Variants in GALNT13 observed in about 807,000 individuals in gnomAD.
GALNT13 encodes the protein UDP-GalNAc:polypeptide N-acetylgalactosaminyltransferase 13.
GALNT13 carries 28 observed loss-of-function variants against 64.2 expected under a neutral mutation model. That is an observed-to-expected ratio of 0.44 (90% CI 0.32 to 0.60). The LOEUF (loss-of-function observed/expected upper bound fraction) is 0.60. Ranked by LOEUF, GALNT13 falls within the 20% of genes least tolerant of loss-of-function variation. The pLI, the probability that GALNT13 is intolerant of heterozygous loss-of-function variation, is 0.05. For synonymous variants in GALNT13, 214 were observed against 224.6 expected (o/e 0.95, Z 0.42); for missense variants, 577 against 669.8 (o/e 0.86, Z 1.53).
At chr2:153,646,872 A>C in the GALNT13 span, among the ~76,000 whole-genome samples, 1 of 152,144 alleles carries the variant, frequency 6.6e-6, no homozygotes, top group Non-Finnish European at 1.5e-5. Flanking sequence ...ATTGTTGGAC[A>C]TTTGGGTTGG....
At chr2:154,413,376 C>A (rs725586) in intron 11 of GALNT13, among the ~76,000 whole-genome samples, 5 of 151,918 alleles carry the variant, frequency 3.3e-5, no homozygotes, top group African/African-American at 1.2e-4. Context: ...TGCCTTTGTT[C>A]TAGCCTATAT....
the GALNT13 span, among the ~76,000 whole-genome samples, chr2:153,258,324 A>G: frequency 2.6e-5 from 4 of 152,074 alleles, no homozygotes; most frequent in African/African-American, 9.7e-5. Context: ...TGATCCACAA[A>G]TTATCTGGAG....
chr2:153,626,201 T>C, the GALNT13 span, among the ~76,000 whole-genome samples: 1 of 151,980 alleles, frequency 6.6e-6, no homozygotes, highest in Non-Finnish European at 1.5e-5. Context: ...TGAAGAAATA[T>C]AAATTTACTC....
chr2:153,912,776 T>C (rs1238933206), intron 2 of GALNT13, among the ~76,000 whole-genome samples: 2 of 152,168 alleles, frequency 1.3e-5, no homozygotes, highest in African/African-American at 4.8e-5. Flanking sequence ...TAGGAACCTG[T>C]TGCACAGGAT....
chr2:154,230,113 G>A (rs1045716996), intron 4 of GALNT13, among the ~76,000 whole-genome samples: 5 of 152,066 alleles, frequency 3.3e-5, no homozygotes, highest in African/African-American at 1.2e-4. Context: ...TGGTTTCATT[G>A]TCTCAGAGAG....
At chr2:153,719,511 G>A in the GALNT13 span, among the ~76,000 whole-genome samples, 1 of 152,170 alleles carries the variant, frequency 6.6e-6, no homozygotes, top group Non-Finnish European at 1.5e-5. Context: ...CTTGAGCGAC[G>A]CAGAAGACGG....
the GALNT13 span, among the ~76,000 whole-genome samples, chr2:153,211,861 T>G: frequency 6.6e-6 from 1 of 152,186 alleles, no homozygotes; most frequent in African/African-American, 2.4e-5. Flanking sequence ...TTCTCTCTTC[T>G]GAGTTAAACA....
chr2:153,928,950 A>G (rs1690328471), intron 2 of GALNT13, among the ~76,000 whole-genome samples: 1 of 152,052 alleles, frequency 6.6e-6, no homozygotes, highest in South Asian at 2.1e-4. Context: ...CCCTTATTTC[A>G]CTCACTCTAT....
chr2:154,181,952 C>T (rs1685983700), intron 4 of GALNT13, among the ~76,000 whole-genome samples: 1 of 151,604 alleles, frequency 6.6e-6, no homozygotes, highest in Non-Finnish European at 1.5e-5. Flanking sequence ...TGTCTCTCTT[C>T]CCTTGTAAGA....
intron 10 of GALNT13, among the ~76,000 whole-genome samples, chr2:154,400,074 T>C (rs1035901120): frequency 3.3e-5 from 5 of 152,152 alleles, no homozygotes; most frequent in African/African-American, 1.2e-4. Flanking sequence ...CCCAATTCAA[T>C]TTTGCATGGC....
chr2:153,443,439 C>T, the GALNT13 span, among the ~76,000 whole-genome samples: 1 of 152,218 alleles, frequency 6.6e-6, no homozygotes, highest in African/African-American at 2.4e-5. Context: ...GCAGAAATCA[C>T]TCACCTTTTT....
chr2:153,571,800 T>A, the GALNT13 span, among the ~76,000 whole-genome samples: 1 of 151,956 alleles, frequency 6.6e-6, no homozygotes, highest in Non-Finnish European at 1.5e-5. Flanking sequence ...ATAAATCCCA[T>A]TTGGTCATGT....
the GALNT13 span, among the ~76,000 whole-genome samples, chr2:153,083,217 A>G: frequency 1.3e-5 from 2 of 152,194 alleles, no homozygotes; most frequent in African/African-American, 2.4e-5. Context: ...TCTTATGGGT[A>G]GTTACCTGTA....
chr2:153,465,226 G>T, the GALNT13 span, among the ~76,000 whole-genome samples: 5 of 151,984 alleles, frequency 3.3e-5, no homozygotes, highest in African/African-American at 9.7e-5. Context: ...TTCTTTGGAG[G>T]TATGACACAG....
At chr2:154,222,074 A>C (rs2105824193) in intron 4 of GALNT13, among the ~76,000 whole-genome samples, 1 of 151,864 alleles carries the variant, frequency 6.6e-6, no homozygotes, top group East Asian at 1.9e-4. Context: ...CACCTTTTAA[A>C]AAATATTTTT....
At chr2:153,252,920 T>A in the GALNT13 span, among the ~76,000 whole-genome samples, 2 of 152,196 alleles carry the variant, frequency 1.3e-5, no homozygotes, top group East Asian at 3.9e-4. Flanking sequence ...TCCAGCTTTG[T>A]TCTTTTGGCT....
intron 9 of GALNT13, among the ~76,000 whole-genome samples, chr2:154,358,637 T>A (rs1405302727): frequency 6.6e-6 from 1 of 152,104 alleles, no homozygotes; most frequent in African/African-American, 2.4e-5. Context: ...ATTTTTTTTC[T>A]TTTCAGGATT....
At chr2:153,793,799 A>G in the GALNT13 span, among the ~76,000 whole-genome samples, 2 of 152,230 alleles carry the variant, frequency 1.3e-5, no homozygotes, top group East Asian at 1.9e-4. Flanking sequence ...TACTTTATTC[A>G]CACAATATTT....
the GALNT13 span, among the ~76,000 whole-genome samples, chr2:153,156,059 G>T: frequency 2.6e-5 from 4 of 152,056 alleles, no homozygotes; most frequent in African/African-American, 9.7e-5. Context: ...GAATTCCTTA[G>T]TATTGATTTC....
Sources: allele counts gnomAD v4.1 joint callset (sites outside exome capture counted in the v4.1 genomes callset), GRCh38; gene constraint gnomAD v4.1.1; transcripts MANE v1.5; gene names NCBI Gene and HGNC (gene_info 2026-07-23, HGNC 2026-07-21).